Variants in NSUN6 observed in about 807,000 individuals in gnomAD.
NSUN6 encodes NOP2/Sun RNA methyltransferase 6, also known as tRNA (cytosine(72)-C(5))-methyltransferase NSUN6.
Under a neutral mutation model 58.0 loss-of-function variants are expected in NSUN6, and 64 were observed. That is an observed-to-expected ratio of 1.10 (90% confidence interval 0.90 to 1.36). The LOEUF (loss-of-function observed/expected upper bound fraction) is 1.36. Among genes scored for constraint, NSUN6 ranks in the 40% most tolerant of loss-of-function variants. NSUN6 has a pLI of 0.00. For synonymous variants in NSUN6, 231 were observed against 193.9 expected (o/e 1.19, Z -1.59); for missense variants, 701 against 550.1 (o/e 1.27, Z -2.74).
chr10:18,583,514 G>A (rs1426655832), intron 8 of NSUN6, among the ~76,000 whole-genome samples: 1 of 152,104 alleles, frequency 6.6e-6, no homozygotes, highest in Non-Finnish European at 1.5e-5. Context: ...GGGAGAAAAA[G>A]CAGCCAAAAA....
At chr10:18,620,802 A>G (rs2058578153) in intron 3 of NSUN6, among the ~76,000 whole-genome samples, 1 of 152,248 alleles carries the variant, frequency 6.6e-6, no homozygotes, top group Non-Finnish European at 1.5e-5. Flanking sequence ...TCCTGACTTT[A>G]GACTATAGAA....
At chr10:18,562,109 G>A (rs2055558452) in intron 8 of NSUN6, among the ~76,000 whole-genome samples, 1 of 149,812 alleles carries the variant, frequency 6.7e-6, no homozygotes, top group Admixed American at 6.7e-5. Flanking sequence ...GGAACGGAAA[G>A]TGGAGCACTG....
At chr10:18,596,688 G>A (rs2057599575) in intron 6 of NSUN6, among the ~76,000 whole-genome samples, 1 of 152,104 alleles carries the variant, frequency 6.6e-6, no homozygotes, top group Non-Finnish European at 1.5e-5. Flanking sequence ...GGAAGCCAGA[G>A]ACCTCTAAAA....
At chr10:18,593,874 TTAA>T (rs2057474500) in intron 7 of NSUN6, among the ~76,000 whole-genome samples, 4 of 102,914 alleles carry the variant, frequency 3.9e-5, no homozygotes. Flanking sequence ...TAAAGCACAA[TTAA>T]AAAAAAAAAA....
intron 1 of NSUN6, among the ~76,000 whole-genome samples, chr10:18,648,987 T>C (rs1467501462): frequency 6.6e-6 from 1 of 152,218 alleles, no homozygotes; most frequent in East Asian, 1.9e-4. Context: ...TGCATTACCA[T>C]TACAGCATCT....
intron 8 of NSUN6, among the ~76,000 whole-genome samples, chr10:18,577,872 G>A (rs1239935264): frequency 2.0e-5 from 3 of 152,094 alleles, no homozygotes; most frequent in Non-Finnish European, 2.9e-5. Context: ...TTAGCCAACC[G>A]GAATTAGTTT....
intron 3 of NSUN6, among the ~76,000 whole-genome samples, chr10:18,629,710 T>C (rs2058959947): frequency 6.6e-6 from 1 of 150,952 alleles, no homozygotes. Flanking sequence ...CTAACTATCC[T>C]AAATATATAT....
intron 6 of NSUN6, among the ~76,000 whole-genome samples, chr10:18,603,850 T>C (rs1193205007): frequency 6.6e-6 from 1 of 152,180 alleles, no homozygotes; most frequent in Admixed American, 6.5e-5. Flanking sequence ...AGTGAGTTAC[T>C]GCCAAAAGCA....
rs372676582 is a variant in NSUN6 at position 18,625,710 on chromosome 10, G to GTT, written c.312-9419_312-9418dup. Among the ~76,000 whole-genome samples, 189 of 62,102 alleles carry GTT rather than the reference G, an allele frequency of 3.0e-3. 6 individuals are homozygous for GTT. The highest frequency in any genetic ancestry group is 0.015 in the Middle Eastern group (1 of 66). 40.7% of individuals were successfully genotyped at this position (62,102 alleles called of 152,430 possible). On this transcript the variant is annotated intron_variant, in intron 3 of 10. Transcript: ENST00000377304. ...CCTGGGTGACAGAGTGAGACTATGT[G>GTT]TTTTTTTTTTAAAAAAAAAAAAAAA... is the stretch of plus-strand genomic sequence containing the variant.
chr10:18,547,284 C>T (rs564047178), intron 10 of NSUN6, among the ~76,000 whole-genome samples: 1 of 152,290 alleles, frequency 6.6e-6, no homozygotes, highest in African/African-American at 2.4e-5. Context: ...TTTATTATCC[C>T]ATGGAGGTCA....
chr10:18,557,311 G>A (rs1350259236), intron 8 of NSUN6, among the ~76,000 whole-genome samples: 2 of 151,442 alleles, frequency 1.3e-5, no homozygotes, highest in Non-Finnish European at 3.0e-5. Flanking sequence ...GAATCGAATG[G>A]CGAAGCGGAT....
At chr10:18,547,584 A>G (rs781038863) in intron 10 of NSUN6, among the ~76,000 whole-genome samples, 1 of 152,224 alleles carries the variant, frequency 6.6e-6, no homozygotes, top group Non-Finnish European at 1.5e-5. Context: ...TCTAATAAAG[A>G]CCATAACATA....
intron 2 of NSUN6, among the ~76,000 whole-genome samples, chr10:18,647,733 T>G (rs1042475701): frequency 3.9e-5 from 5 of 129,026 alleles, no homozygotes; most frequent in African/African-American, 8.4e-5. Flanking sequence ...TTGTTTTTTT[T>G]TTTTTTTTTT....
chr10:18,600,961 CAT>C (rs765573745), intron 6 of NSUN6, among the ~76,000 whole-genome samples: 616 of 46,942 alleles, frequency 0.013, 1 homozygote, highest in Middle Eastern at 0.061. Context: ...TATATATATA[CAT>C]ATATATATAT....
At chr10:18,624,896 G>A (rs1449078991) in intron 3 of NSUN6, among the ~76,000 whole-genome samples, 1 of 152,028 alleles carries the variant, frequency 6.6e-6, no homozygotes, top group Admixed American at 6.6e-5. Flanking sequence ...TACAAGCAAG[G>A]TACAAACACA....
At chr10:18,605,195 TAAA>T (rs542428234) in intron 6 of NSUN6, among the ~76,000 whole-genome samples, 1 of 137,704 alleles carries the variant, frequency 7.3e-6, no homozygotes. Context: ...GAGACTCCCT[TAAA>T]AAAAAAAAAA....
intron 9 of NSUN6, 114 bp downstream of exon 9, chr10:18,551,709 T>G (rs2054614227): frequency 1.3e-6 from 1 of 793,290 alleles, no homozygotes; most frequent in Non-Finnish European, 2.1e-6. Flanking sequence ...ACTCTTGGGT[T>G]GTTCCCACCT....
chr10:18,596,527 C>A (rs902638364), intron 6 of NSUN6, among the ~76,000 whole-genome samples, 200 bp from the exon 7 acceptor site: 1 of 152,152 alleles, frequency 6.6e-6, no homozygotes, highest in Non-Finnish European at 1.5e-5. Flanking sequence ...GACTTACACA[C>A]AAACCACCTG....
At chr10:18,650,801 G>A (rs1417420361) in intron 1 of NSUN6, among the ~76,000 whole-genome samples, 2 of 152,206 alleles carry the variant, frequency 1.3e-5, no homozygotes, top group Admixed American at 6.5e-5. Flanking sequence ...GAGTGCCAGA[G>A]CCAGCGCTCT....
Sources: allele counts gnomAD v4.1 joint callset (sites outside exome capture counted in the v4.1 genomes callset), GRCh38; gene constraint gnomAD v4.1.1; transcripts MANE v1.5; gene names NCBI Gene and HGNC (gene_info 2026-07-23, HGNC 2026-07-21).